The following OPLAH variants were observed in gnomAD, a reference collection of about 807,000 sequenced individuals.
OPLAH encodes 5-oxoprolinase, ATP-hydrolysing.
A neutral mutation model predicts 122.8 loss-of-function variants in OPLAH; 103 were observed. That is an observed-to-expected ratio of 0.84 (90% CI 0.71 to 0.99). The LOEUF (loss-of-function observed/expected upper bound fraction) is 0.99. Ranked by LOEUF, OPLAH falls within the 50% of genes least tolerant of loss-of-function variation. The probability of loss-of-function intolerance (pLI) is 0.00; values close to 1 mark genes in which losing one functional copy is unlikely to be tolerated. For missense variants in OPLAH, 1,902 were observed against 1,836.5 expected (o/e 1.04, Z -0.65); for synonymous variants, 875 against 796.0 (o/e 1.10, Z -1.67).
chr8:144,057,413 G>T, intron 10 of OPLAH, 35 bp downstream of exon 10: 1 of 1,590,570 alleles, frequency 6.3e-7, no homozygotes, highest in East Asian at 2.3e-5. Context: ...GCAGGGCTGG[G>T]GGCAGGACAG....
In OPLAH at chr8:144,053,129, C is replaced by T. The variant is rs782569559; in HGVS notation, c.2872G>A (p.Ala958Thr). ...TCTCGCACGGCCAGCTCAGCGTTTGCCTGGCAGGGAGCAGGATCAGTGGTG... is the reference window on the plus strand; with the variant it reads ...TCTCGCACGGCCAGCTCAGCGTTTGTCTGGCAGGGAGCAGGATCAGTGGTG... ...VVQAYMGHIQANAELAVRDML... is the reference protein window; with the variant it reads ...VVQAYMGHIQTNAELAVRDML... Residue 958 changes from alanine to threonine, a missense_variant and splice_region_variant, in exon 21 of 27, where the codon GCA becomes ACA. By Grantham distance (58) the Ala-to-Thr change is moderately conservative (BLOSUM62 0). This residue lies in a region of OPLAH where 1,726 missense variants were observed against 1,642.1 expected (regional missense o/e 1.05). Transcript: ENST00000618853. 1.2e-6 allele frequency: 2 copies of T among 1,606,972 alleles called. No individual in the cohort carries two copies. The highest frequency in any genetic ancestry group is 2.2e-5 in the East Asian group (1 of 44,520).
At chr8:144,051,690 A>G in intron 26 of OPLAH, 39 bp downstream of exon 26, 1 of 1,136,634 alleles carries the variant, frequency 8.8e-7, no homozygotes, top group Non-Finnish European at 1.2e-6. Context: ...CCGGGAGGGG[A>G]GGGGAGGGGA....
chr8:144,050,895 A>C, downstream of OPLAH: 1 of 998,480 alleles, frequency 1.0e-6, no homozygotes. Flanking sequence ...TGCCCGCCCG[A>C]AGCGCGCGGA....
chr8:144,053,350 G>A lies in OPLAH; in HGVS notation c.2730C>T (p.Cys910=). ...TGTCGTGCAGGTTTCTGGTTCCGCT[G>A]CAGTTGGGGACCTTGCCTGGCGCCC... ...ALRAPGKVPN[C]SGTRNLHDNL... Residue 910 remains cysteine, a synonymous_variant, in exon 20 of 27, where the codon TGC becomes TGT. Coordinates refer to ENST00000618853, the MANE Select transcript of OPLAH (RefSeq NM_017570.5). The A allele has an allele frequency of 6.2e-7, 1 of 1,612,752 alleles. No homozygotes were observed. Among genetic ancestry groups the A allele is most frequent in the Non-Finnish European group, 8.5e-7 (1 of 1,179,756 alleles).
chr8:144,062,694 G>A (rs971837508), upstream of OPLAH, among the ~76,000 whole-genome samples: 2 of 106,264 alleles, frequency 1.9e-5, no homozygotes, highest in African/African-American at 3.7e-5. Flanking sequence ...TGCCCTGTAC[G>A]CACTCAGGCT....
downstream of OPLAH, chr8:144,050,347 TGGGCCGAGAAGTTTG>T (rs547967656): frequency 4.3e-3 from 4,212 of 969,870 alleles, 30 homozygotes; most frequent in South Asian, 0.031. Context: ...GCTGCTGGAC[TGGGCCGAGAAGTTTG>T]GGGCCGAGAA....
In OPLAH at chr8:144,053,302, C is replaced by G; in HGVS notation, c.2778G>C (p.Gln926His). The G allele has an allele frequency of 6.2e-7, 1 of 1,613,034 alleles. No individual in the cohort carries two copies. Among genetic ancestry groups the G allele is most frequent in the Non-Finnish European group, 8.5e-7 (1 of 1,179,824 alleles). ...LHDNLSDLRA[Q>H]VAANQKGIQL... Reference sequence around the variant, plus strand: ...GGATGCCCTTCTGGTTGGCTGCCACCTGGGCACGGAGGTCCGACAGGTTGT... The same window carrying G: ...GGATGCCCTTCTGGTTGGCTGCCACGTGGGCACGGAGGTCCGACAGGTTGT... Residue 926 changes from glutamine (Q) to histidine (H), a missense_variant, in exon 20 of 27, where the codon CAG becomes CAC. Gln to His is a conservative substitution (Grantham distance 24). Transcript: ENST00000618853.
intron 19 of OPLAH, 38 bp from the exon 20 acceptor site, chr8:144,053,431 CCT>C: frequency 6.4e-7 from 1 of 1,554,446 alleles, no homozygotes; most frequent in Non-Finnish European, 8.7e-7. Flanking sequence ...CCTGGCCAAC[CCT>C]GTCTGCACCC....
Position 144,054,913 on chromosome 8 carries a change from T to C in OPLAH, c.2410A>G (p.Ile804Val), listed in dbSNP as rs781900711. 6.3e-7 allele frequency: 1 copy of C among 1,575,068 alleles called. No homozygotes were observed. Reference protein sequence around the residue: ...GAMQETVQFQIQHLGADLHPG... With the variant: ...GAMQETVQFQVQHLGADLHPG... ...TGGAGATCGGCCCCCAGGTGCTGAA[T>C]CTGAAACCAGGAGATGGGTGCAGAG... The change falls in exon 18 of 27, where the codon ATT becomes GTT. Residue 804 changes from isoleucine (I) to valine (V), a missense_variant and splice_region_variant. Physicochemically the swap from Ile to Val is conservative, Grantham distance 29 (BLOSUM62 3). This residue lies in a region of OPLAH where 1,726 missense variants were observed against 1,642.1 expected (regional missense o/e 1.05). Transcript: ENST00000618853.
At position 144,059,821 on chromosome 8, in the gene OPLAH, T is replaced by C. The variant is rs190025233; in HGVS notation, c.172-31A>G. ...GACCACGTGGTCAGTGTGGGGCTTC[T>C]GGCCGTGGGGTCCCTGTCCACCCGC... On this transcript the variant is annotated intron_variant, in intron 2 of 26. Transcript: ENST00000618853. 558 of 1,610,868 alleles carry C rather than the reference T, an allele frequency of 3.5e-4. No homozygotes were observed. The African/African-American group carries it at 4.8e-3, about 14-fold the overall frequency.
intron 19 of OPLAH, 141 bp from the exon 20 acceptor site, chr8:144,053,534 C>T (rs1835440510): frequency 1.1e-5 from 9 of 807,450 alleles, no homozygotes; most frequent in Non-Finnish European, 1.7e-5. Flanking sequence ...TCAGGAAAGC[C>T]CCTCTCCTTG....
downstream of OPLAH, chr8:144,051,058 C>T (rs1835360908): frequency 1.5e-6 from 2 of 1,313,414 alleles, no homozygotes; most frequent in Non-Finnish European, 1.9e-6. Flanking sequence ...CGCGGAGTTC[C>T]CGGGTGGCTG....
chr8:144,056,632 T>A lies in OPLAH; in HGVS notation c.1830A>T (p.Ala610=). Residue 610 remains alanine (A), a synonymous_variant, in exon 13 of 27, where the codon GCA becomes GCT. Coordinates refer to ENST00000618853, the MANE Select transcript of OPLAH (RefSeq NM_017570.5). ...ARSPRAGDFG[A]AFVERYMREF... ...AAGCCACGTACCGCTCCACAAAGGC[T>A]GCCCCGAAGTCCCCCGCACGGGGCG... 3 of 1,612,284 alleles carry A rather than the reference T, an allele frequency of 1.9e-6. No individual in the cohort carries two copies. In the South Asian group the frequency reaches 3.3e-5, roughly 18 times the overall value.
chr8:144,055,094 G>GC lies in OPLAH; in HGVS notation c.2343dup (p.Leu782AlafsTer180). On this transcript the variant is annotated frameshift_variant, in exon 17 of 27. Transcript: ENST00000618853. LOFTEE classifies it high-confidence loss of function. The surrounding 1 kb of genome is among the most constrained non-coding windows in gnomAD (Gnocchi z 6.5). Reference sequence around the variant, plus strand: ...GGGATGTGGGGGGCATTGGACACCAGCCCCCCATCGGGCCCAAAGAGGGCA... The same window carrying GC: ...GGGATGTGGGGGGCATTGGACACCAGCCCCCCCATCGGGCCCAAAGAGGGCA... 4 of 1,576,642 alleles carry GC rather than the reference G, an allele frequency of 2.5e-6. No individual in the cohort carries two copies. Among genetic ancestry groups the GC allele is most frequent in the Non-Finnish European group, 3.4e-6 (4 of 1,161,916 alleles).
In OPLAH at chr8:144,058,811, G is replaced by A. The variant is rs1397465315; in HGVS notation, c.549C>T (p.Gly183=). ...RGKLEGLLSR[G]IRSLAVVLMH... ...TGAGCACCACAGCCAGGCTGCGGATGCCTCGAGATAGCAGCCCCTCCAGCT... is the reference window on the plus strand; with the variant it reads ...TGAGCACCACAGCCAGGCTGCGGATACCTCGAGATAGCAGCCCCTCCAGCT... Residue 183 remains glycine, a synonymous_variant, in exon 5 of 27, where the codon GGC becomes GGT. Coordinates refer to ENST00000618853, the MANE Select transcript of OPLAH (RefSeq NM_017570.5). 2 of 1,600,636 alleles carry A rather than the reference G, an allele frequency of 1.2e-6. No homozygotes were observed. Among genetic ancestry groups the A allele is most frequent in the South Asian group, 1.1e-5 (1 of 89,240 alleles).
chr8:144,062,255 C>T (rs77359221), upstream of OPLAH, among the ~76,000 whole-genome samples: 8,054 of 152,118 alleles, frequency 0.053, 756 homozygotes, highest in African/African-American at 0.18. Flanking sequence ...AGGGATGGGG[C>T]CCAGGATCAG....
chr8:144,052,899 C>T lies in OPLAH; in HGVS notation c.3020G>A (p.Gly1007Asp), dbSNP rs1554758053. The change falls in exon 22 of 27, where the codon GGC becomes GAC. Residue 1007 changes from glycine (G) to aspartate (D), a missense_variant and splice_region_variant. Physicochemically the swap from Gly to Asp is moderately conservative, Grantham distance 94. This residue lies in a region of OPLAH where 1,726 missense variants were observed against 1,642.1 expected (regional missense o/e 1.05). Coordinates refer to ENST00000618853, the MANE Select transcript of OPLAH (RefSeq NM_017570.5). ...GCCGCTGAAGTCAAACACGGCGCTG[C>T]CCTGCGCGCCCCGAGGGAAGGGAGA... ...RLRVQISLSQ[G>D]SAVFDFSGTG... The T allele has an allele frequency of 1.9e-6, 3 of 1,556,846 alleles. No individual in the cohort carries two copies. Among genetic ancestry groups the T allele is most frequent in the African/African-American group, 1.4e-5 (1 of 73,356 alleles).
intron 10 of OPLAH, 27 bp downstream of exon 10, chr8:144,057,421 C>G: frequency 6.3e-7 from 1 of 1,584,476 alleles, no homozygotes; most frequent in Non-Finnish European, 8.6e-7. Context: ...GGGGGCAGGA[C>G]AGGCGGGAGA....
In OPLAH at chr8:144,058,038, C is replaced by A. The variant is rs369846815; in HGVS notation, c.1060G>T (p.Ala354Ser). 1 of 1,612,386 alleles carries A rather than the reference C, an allele frequency of 6.2e-7. No individual in the cohort carries two copies. Among genetic ancestry groups the A allele is most frequent in the Non-Finnish European group, 8.5e-7 (1 of 1,179,800 alleles). ...APQLDINTVA[A>S]GGGSRLFFRS... Reference sequence around the variant, plus strand: ...AAGAAGAGGCGGGAACCCCCTCCCGCTGCCACGGTGTTGATGTCCAGCTGC... The same window carrying A: ...AAGAAGAGGCGGGAACCCCCTCCCGATGCCACGGTGTTGATGTCCAGCTGC... Residue 354 changes from alanine to serine, a missense_variant, in exon 8 of 27, where the codon GCG becomes TCG. Transcript: ENST00000618853.
Sources: gnomAD v4.1 joint callset for allele counts (sites outside exome capture counted in the v4.1 genomes callset) on GRCh38, gnomAD v4.1.1 for gene constraint, gnomAD v4.1.1 regional missense constraint, Gnocchi (gnomAD v3.1) non-coding constraint, MANE v1.5 for transcripts, NCBI Gene and HGNC (gene_info 2026-07-23, HGNC 2026-07-21) for gene names.